MCTP1: variants seen among roughly 807,000 people sequenced by gnomAD.
The protein encoded by MCTP1 is multiple C2 and transmembrane domain containing 1.
Under a neutral mutation model 120.6 loss-of-function variants are expected in MCTP1, and 69 were observed. The observed-to-expected ratio is 0.57, with a 90% confidence interval of 0.47 to 0.70. MCTP1 has a LOEUF of 0.70. Ranked by LOEUF, MCTP1 falls within the 30% of genes least tolerant of loss-of-function variation. The pLI, the probability that MCTP1 is intolerant of heterozygous loss-of-function variation, is 0.00. For missense variants in MCTP1, 1,203 were observed against 1,248.8 expected (o/e 0.96, Z 0.55); for synonymous variants, 529 against 493.1 (o/e 1.07, Z -0.96).
At chr5:94,939,624 T>C (rs1224973639) in intron 5 of MCTP1, among the ~76,000 whole-genome samples, 1 of 151,958 alleles carries the variant, frequency 6.6e-6, no homozygotes, top group Admixed American at 6.6e-5. Flanking sequence ...AGATGAAAAG[T>C]ATTCACTTAT....
intron 19 of MCTP1, among the ~76,000 whole-genome samples, chr5:94,761,560 C>A (rs1340452945): frequency 6.6e-6 from 1 of 152,170 alleles, no homozygotes; most frequent in Non-Finnish European, 1.5e-5. Flanking sequence ...TAATCCAGTA[C>A]CATGTGCTGA....
At chr5:94,850,915 T>A (rs1793558968) in intron 17 of MCTP1, among the ~76,000 whole-genome samples, 1 of 152,122 alleles carries the variant, frequency 6.6e-6, no homozygotes, top group South Asian at 2.1e-4. Context: ...TACTACATAA[T>A]CCCTGACTCC....
At chr5:95,196,151 A>C (rs1306860145) in intron 1 of MCTP1, among the ~76,000 whole-genome samples, 1 of 152,156 alleles carries the variant, frequency 6.6e-6, no homozygotes, top group Non-Finnish European at 1.5e-5. Context: ...TGAAAACCTG[A>C]CTATATTTTA....
At chr5:94,761,747 C>T (rs7716133) in intron 19 of MCTP1, among the ~76,000 whole-genome samples, 247 of 152,304 alleles carry the variant, frequency 1.6e-3, no homozygotes, top group African/African-American at 5.7e-3. Context: ...TTATAATCCC[C>T]AGCAAGAGGC....
intron 1 of MCTP1, among the ~76,000 whole-genome samples, chr5:95,272,027 A>G (rs1348154726): frequency 6.6e-6 from 1 of 152,144 alleles, no homozygotes; most frequent in Non-Finnish European, 1.5e-5. Context: ...CTTTATTACT[A>G]TTAAAGTGGA....
At chr5:94,830,752 TCA>T (rs953574211) in intron 17 of MCTP1, among the ~76,000 whole-genome samples, 6 of 152,218 alleles carry the variant, frequency 3.9e-5, no homozygotes, top group Admixed American at 3.9e-4. Flanking sequence ...CACGCTCTTC[TCA>T]GTCTTCCTCT....
intron 1 of MCTP1, among the ~76,000 whole-genome samples, chr5:95,134,680 C>A (rs1043171100): frequency 6.6e-6 from 1 of 152,114 alleles, no homozygotes; most frequent in Non-Finnish European, 1.5e-5. Flanking sequence ...AGCTCCTGTG[C>A]TAAAGTGCCC....
intron 17 of MCTP1, among the ~76,000 whole-genome samples, chr5:94,817,437 AAC>A (rs997371164): frequency 6.7e-6 from 1 of 149,576 alleles, no homozygotes; most frequent in African/African-American, 2.6e-5. Flanking sequence ...CAAACAAACA[AAC>A]AAACAAACTG....
Position 94,799,027 on chromosome 5 carries a change from T to C in MCTP1, c.2542A>G (p.Arg848Gly). The C allele has an allele frequency of 6.2e-7, 1 of 1,611,772 alleles. No individual in the cohort carries two copies. Among genetic ancestry groups the C allele is most frequent in the Non-Finnish European group, 8.5e-7 (1 of 1,178,576 alleles). ...TAGAGACTTACTGTATCACGTTGCC[T>C]GTTATCTTTCCCTGATATTATCAAG... ...YFLIISGKDN[R>G]QRDTVVEDML... is the part of the protein sequence containing the mutation. Residue 848 changes from arginine (R) to glycine (G), a missense_variant, in exon 18 of 23, where the codon AGG (arginine) becomes GGG (glycine). Around this residue, in one of 2 missense-constraint regions of MCTP1, gnomAD observed 740 missense variants for 871.1 expected, o/e 0.85. Transcript: ENST00000515393.
In MCTP1 at chr5:95,230,194, G is replaced by GTA. The variant is rs750263116; in HGVS notation, c.720+53660_720+53661dup. 3.2e-4 allele frequency among the ~76,000 whole-genome samples: 35 copies of GTA among 111,088 alleles called. 1 individual carries two copies. The highest frequency in any genetic ancestry group is 8.0e-4 in the South Asian group (3 of 3,770). 72.9% of individuals were successfully genotyped at this position (111,088 alleles called of 152,430 possible). A position where few individuals can be genotyped will look rare whatever the true frequency, so the allele number is the denominator to read the frequency against. On this transcript the variant is annotated intron_variant, in intron 1 of 22. Transcript: ENST00000515393. Reference sequence around the variant, plus strand: ...TATACACATACATATATGTGTGTGTGTATATATATACACACACATATACAC... The same window carrying GTA: ...TATACACATACATATATGTGTGTGTGTATATATATATACACACACATATACAC...
intron 2 of MCTP1, among the ~76,000 whole-genome samples, chr5:94,972,640 A>G (rs1199972285): frequency 1.3e-5 from 2 of 152,206 alleles, no homozygotes; most frequent in African/African-American, 2.4e-5. Flanking sequence ...GGAAGAAAAT[A>G]TAATTTTAAA....
chr5:94,767,406 C>T (rs188182816), intron 19 of MCTP1, among the ~76,000 whole-genome samples: 183 of 152,142 alleles, frequency 1.2e-3, no homozygotes, highest in African/African-American at 4.3e-3. Flanking sequence ...TACTGAAAGT[C>T]CTAGCTAGAG....
intron 7 of MCTP1, among the ~76,000 whole-genome samples, 168 bp from the exon 8 acceptor site, chr5:94,918,141 A>G (rs749540353): frequency 1.3e-5 from 2 of 152,192 alleles, no homozygotes; most frequent in African/African-American, 2.4e-5. Flanking sequence ...ATGAAGATAA[A>G]TGTCAATGCA....
chr5:94,922,452 C>T (rs549584813), intron 7 of MCTP1, among the ~76,000 whole-genome samples: 1 of 151,628 alleles, frequency 6.6e-6, no homozygotes, highest in East Asian at 1.9e-4. Flanking sequence ...AGAACACCCC[C>T]CAAATTCTAC....
chr5:94,830,220 T>C (rs143398326), intron 17 of MCTP1, among the ~76,000 whole-genome samples: 4 of 152,342 alleles, frequency 2.6e-5, no homozygotes, highest in African/African-American at 9.6e-5. Flanking sequence ...CCTTTTAGTA[T>C]TCTTCCACAG....
At chr5:94,765,806 C>A (rs1270600970) in intron 19 of MCTP1, among the ~76,000 whole-genome samples, 1 of 149,128 alleles carries the variant, frequency 6.7e-6, no homozygotes, top group Admixed American at 6.7e-5. Context: ...TAAAATTAAG[C>A]CGTTAGCAAG....
chr5:95,190,684 T>C (rs2152531926), intron 1 of MCTP1, among the ~76,000 whole-genome samples: 1 of 152,164 alleles, frequency 6.6e-6, no homozygotes, highest in African/African-American at 2.4e-5. Context: ...TCCTTTTCTA[T>C]CTTCCTGACA....
intron 1 of MCTP1, among the ~76,000 whole-genome samples, chr5:95,112,973 A>G (rs1582275359): frequency 6.6e-6 from 1 of 152,220 alleles, no homozygotes; most frequent in Non-Finnish European, 1.5e-5. Context: ...AGTAATTTAC[A>G]TTGACTATTA....
intron 1 of MCTP1, among the ~76,000 whole-genome samples, chr5:95,166,761 G>T (rs1746435409): frequency 6.6e-6 from 1 of 151,720 alleles, no homozygotes; most frequent in Admixed American, 6.6e-5. Flanking sequence ...TAGAGATGGG[G>T]TTTCACCGTG....
Sources: gnomAD v4.1 joint callset for allele counts (sites outside exome capture counted in the v4.1 genomes callset) on GRCh38, gnomAD v4.1.1 for gene constraint, gnomAD v4.1.1 regional missense constraint, MANE v1.5 for transcripts, NCBI Gene and HGNC (gene_info 2026-07-23, HGNC 2026-07-21) for gene names.